Variants in PKD1 observed in about 807,000 individuals in gnomAD.
PKD1 encodes polycystin-1.
In PKD1, 81 loss-of-function variants were observed where a neutral mutation model predicts 361.7. That is an observed-to-expected ratio of 0.22 (90% CI 0.19 to 0.27). The LOEUF is 0.27. Ranked by LOEUF, PKD1 falls within the 10% of genes least tolerant of loss-of-function variation. The pLI is 1.00. For synonymous variants in PKD1, 3,615 were observed against 2,818.3 expected, an observed-to-expected ratio of 1.28 and a Z score of -8.95; for missense variants, 6,399 against 6,118.3, an observed-to-expected ratio of 1.05 and a Z score of -1.53.
chr16:2,118,968 G>A lies in PKD1; in HGVS notation c.360-123C>T, dbSNP rs1040979925. 3.2e-5 allele frequency: 26 copies of A among 821,460 alleles called. No individual in the cohort carries two copies. The highest frequency in any genetic ancestry group is 8.2e-5 in the Admixed American group (4 of 48,608). The allele number at this position is 821,460 out of a possible 1,614,324, so 50.9% of individuals were successfully genotyped here. A position where few individuals can be genotyped will look rare whatever the true frequency, so the allele number is the denominator to read the frequency against. ...CCGCCTCCCCTGCCCCAACCAAGCC[G>A]GCACTGGGGGGCTCCAAGCAGGCAG... On this transcript the variant is annotated intron_variant, in intron 3 of 45. Coordinates refer to ENST00000262304, the MANE Select transcript of PKD1 (RefSeq NM_001009944.3). This position sits in a 1 kb window ranked among gnomAD's most constrained non-coding sequence, Gnocchi z 6.0.
At position 2,090,016 on chromosome 16, in the gene PKD1, C is replaced by T. The variant is rs1211660977; in HGVS notation, c.12623G>A (p.Cys4208Tyr). Residue 4208 changes from cysteine (C) to tyrosine (Y), a missense_variant, in exon 46 of 46, where the codon TGT becomes TAT. Coordinates refer to ENST00000262304, the MANE Select transcript of PKD1 (RefSeq NM_001009944.3). ...TTGGAGGCGGGAGGGCTCAGGCTCA[C>T]ACCTTGTCCCCAGCCGGCCCAGGCT... is the stretch of plus-strand genomic sequence containing the variant. ...SVSLGRLGTR[C>Y]EPEPSRLQAV... 3 of 1,610,238 alleles carry T rather than the reference C, an allele frequency of 1.9e-6. No individual in the cohort carries two copies. Among genetic ancestry groups the T allele is most frequent in the Non-Finnish European group, 1.7e-6 (2 of 1,178,990 alleles).
rs1231492796 is a variant in PKD1 at position 2,112,451 on chromosome 16, G to T, written c.3184C>A (p.Gln1062Lys). 3.1e-6 allele frequency: 5 copies of T among 1,587,898 alleles called. No homozygotes were observed. The highest frequency in any genetic ancestry group is 1.3e-5 in the African/African-American group (1 of 74,732). The change falls in exon 14 of 46, where the codon CAG (glutamine) becomes AAG (lysine). Residue 1062 changes from glutamine (Q) to lysine (K), a missense_variant. By Grantham distance (53) the Gln-to-Lys change is moderately conservative. Coordinates refer to ENST00000262304, the MANE Select transcript of PKD1 (RefSeq NM_001009944.3). ...AFLWTFGDGE[Q>K]ALHQFQPPYN... is the part of the protein sequence containing the mutation. ...GGAGGCTGGAACTGGTGGAGGGCCT[G>T]CTCCCCATCCCCAAAGGTCCACCTG... is the stretch of plus-strand genomic sequence containing the variant.
At chr16:2,134,925 G>A (rs1348206992) in intron 1 of PKD1, 1 of 121,744 alleles carries the variant, frequency 8.2e-6, no homozygotes, top group East Asian at 2.4e-4. Flanking sequence ...GCCCACCCGC[G>A]AGCCCACCTC....
At chr16:2,113,547 AGTACCAG>A (rs2092573897) in intron 11 of PKD1, among the ~76,000 whole-genome samples, 1 of 152,092 alleles carries the variant, frequency 6.6e-6, no homozygotes, top group Non-Finnish European at 1.5e-5. Context: ...AAGCAAACCT[AGTACCAG>A]CTACAAAGAG....
chr16:2,097,120 C>T (rs774615878), intron 34 of PKD1, 28 bp downstream of exon 34: 62 of 1,522,538 alleles, frequency 4.1e-5, no homozygotes, highest in Non-Finnish European at 5.0e-5. Context: ...TCTGGCAATC[C>T]CCCCTCCCCC....
intron 37 of PKD1, 104 bp downstream of exon 37, chr16:2,093,440 C>A: frequency 4.5e-6 from 5 of 1,119,252 alleles, no homozygotes; most frequent in Non-Finnish European, 6.5e-6. Flanking sequence ...CCCTAAGGGC[C>A]TTCTGAGGTG....
chr16:2,116,220 C>A (rs532181853), intron 8 of PKD1, 102 bp from the exon 9 acceptor site: 3 of 1,281,206 alleles, frequency 2.3e-6, no homozygotes, highest in Admixed American at 1.9e-5. Flanking sequence ...GGAAGGAGAG[C>A]GAGCCATCAG....
intron 16 of PKD1, 66 bp downstream of exon 16, chr16:2,107,817 A>G (rs2092397191): frequency 6.8e-7 from 1 of 1,480,478 alleles, no homozygotes; most frequent in Non-Finnish European, 9.1e-7. Flanking sequence ...AAAACACGGA[A>G]AACAGTAGAT....
At chr16:2,099,524 G>A (rs535518668) in intron 30 of PKD1, 120 bp downstream of exon 30, 42 of 824,054 alleles carry the variant, frequency 5.1e-5, no homozygotes, top group South Asian at 1.2e-4. Context: ...GACCCTTCCC[G>A]AGCAGCCTTT....
At position 2,105,887 on chromosome 16, in the gene PKD1, G is replaced by A. The variant is rs777194594; in HGVS notation, c.7841C>T (p.Ala2614Val). 3.8e-6 allele frequency: 6 copies of A among 1,596,264 alleles called. No individual in the cohort carries two copies. Among genetic ancestry groups the A allele is most frequent in the Non-Finnish European group, 5.1e-6 (6 of 1,179,646 alleles). ...CACCTCGTTCAGCACGGTGACCAGGGCCAACGAGTACTCGATGACGTGCTG... is the reference window on the plus strand; with the variant it reads ...CACCTCGTTCAGCACGGTGACCAGGACCAACGAGTACTCGATGACGTGCTG... ...DPQHVIEYSL[A>V]LVTVLNEYER... Residue 2614 changes from alanine to valine, a missense_variant, in exon 20 of 46, where the codon GCC becomes GTC. Coordinates refer to ENST00000262304, the MANE Select transcript of PKD1 (RefSeq NM_001009944.3).
rs2092456450 is a variant in PKD1 at position 2,109,939 on chromosome 16, G to A, written c.5228C>T (p.Ala1743Val). Reference sequence around the variant, plus strand: ...AGTGTATACGACACCACTGCCACCAGCCAGCTCGGCACTGAGGGTGACGCT... The same window carrying A: ...AGTGTATACGACACCACTGCCACCAACCAGCTCGGCACTGAGGGTGACGCT... The part of the protein sequence containing the change: ...NTSVTLSAEL[A>V]GGSGVVYTWS... Residue 1743 changes from alanine (A) to valine (V), a missense_variant, in exon 15 of 46, where the codon GCT becomes GTT. Coordinates refer to ENST00000262304, the MANE Select transcript of PKD1 (RefSeq NM_001009944.3). The A allele has an allele frequency of 1.2e-6, 2 of 1,610,278 alleles. No homozygotes were observed. Among genetic ancestry groups the A allele is most frequent in the African/African-American group, 1.3e-5 (1 of 74,982 alleles).
rs1402238544 is a variant in PKD1 at position 2,092,261 on chromosome 16, G to A, written c.11270-73C>T. The A allele has an allele frequency of 9.5e-6, 14 of 1,480,650 alleles. No homozygotes were observed. The East Asian group carries it at 3.0e-4, about 31-fold the overall frequency. The allele number at this position is 1,480,650 out of a possible 1,614,324, so 91.7% of individuals were successfully genotyped here. On this transcript the variant is annotated intron_variant, in intron 39 of 45. Coordinates refer to ENST00000262304, the MANE Select transcript of PKD1 (RefSeq NM_001009944.3). ...CAACAGGAGTGTTTCCTGCTGGCCA[G>A]CTCGCCTGAGCTCTGGTTCGGCGCC...
At position 2,109,599 on chromosome 16, in the gene PKD1, G is replaced by A. The variant is rs551716837; in HGVS notation, c.5568C>T (p.Phe1856=). Residue 1856 remains phenylalanine (F), a synonymous_variant, in exon 15 of 46, where the codon TTC becomes TTT. Transcript: ENST00000262304. The stretch of plus-strand genomic sequence containing the variant: ...GGATGGAGAAGGTGCCAGCATCCGG[G>A]AAGACCATGGTGACATGAGGGCCAC... ...SKRGPHVTMV[F]PDAGTFSIRL... The A allele has an allele frequency of 6.8e-6, 11 of 1,610,768 alleles. No homozygotes were observed. In the African/African-American group the frequency reaches 9.3e-5, roughly 14 times the overall value.
At position 2,114,422 on chromosome 16, in the gene PKD1, G is replaced by A. The variant is rs779750090; in HGVS notation, c.2601C>T (p.Ser867=). 5.0e-6 allele frequency: 8 copies of A among 1,602,214 alleles called. No individual in the cohort carries two copies. Among genetic ancestry groups the A allele is most frequent in the South Asian group, 3.3e-5 (3 of 90,958 alleles). Residue 867 remains serine (S), a synonymous_variant, in exon 11 of 46, where the codon AGC becomes AGT. Transcript: ENST00000262304. ...ATARWPGGSV[S]ARFENVCPAL... is the part of the protein sequence containing the mutation. The stretch of plus-strand genomic sequence containing the variant: ...CAGGGCAGACATTCTCAAAGCGGGC[G>A]CTGACACTGCCCCCAGGCCAGCGAG...
Position 2,103,552 on chromosome 16 carries a change from G to T in PKD1, c.8505C>A (p.Pro2835=). 6.2e-7 allele frequency: 1 copy of T among 1,609,684 alleles called. No individual in the cohort carries two copies. The highest frequency in any genetic ancestry group is 2.2e-5 in the East Asian group (1 of 44,860). The change falls in exon 23 of 46, where the codon CCC becomes CCA. Residue 2835 remains proline (P), a synonymous_variant. Transcript: ENST00000262304. ...CGGTGTAGTTGCTGATATAGCCAAA[G>T]GGAAAGGGATTGGAGTCCACCAGAA... ...LIFLVDSNPF[P]FGYISNYTVS...
rs2092341776 is a variant in PKD1 at position 2,106,515 on chromosome 16, C to T, written c.7372G>A (p.Glu2458Lys). The T allele has an allele frequency of 6.3e-7, 1 of 1,595,766 alleles. No homozygotes were observed. Among genetic ancestry groups the T allele is most frequent in the Non-Finnish European group, 8.5e-7 (1 of 1,178,790 alleles). Reference sequence around the variant, plus strand: ...GACAGGCGGATGGAGGCGCAGCCCTCCTCCTCGCCAGAGCGGCCCAGCACC... The same window carrying T: ...GACAGGCGGATGGAGGCGCAGCCCTTCTCCTCGCCAGAGCGGCCCAGCACC... ...LTVLGRSGEE[E>K]GCASIRLSPN... Residue 2458 changes from glutamate (E) to lysine (K), a missense_variant, in exon 18 of 46, where the codon GAG becomes AAG. By Grantham distance (56) the Glu-to-Lys change is moderately conservative (BLOSUM62 1). Coordinates refer to ENST00000262304, the MANE Select transcript of PKD1 (RefSeq NM_001009944.3). The surrounding 1 kb of genome is among the most constrained non-coding windows in gnomAD (Gnocchi z 6.5).
chr16:2,102,942 G>A lies in PKD1; in HGVS notation c.8820C>T (p.Pro2940=), dbSNP rs1234064702. 1 of 1,607,730 alleles carries A rather than the reference G, an allele frequency of 6.2e-7. No individual in the cohort carries two copies. Among genetic ancestry groups the A allele is most frequent in the Non-Finnish European group, 8.5e-7 (1 of 1,179,772 alleles). The part of the protein sequence containing the change: ...DGHYLSEEPE[P]YLAVYLHSEP... ...CCGAGTGTAGGTAGACTGCCAGGTA[G>A]GGCTCAGGTTCCTCAGACAGGTAGT... Residue 2940 remains proline, a synonymous_variant, in exon 24 of 46, where the codon CCC becomes CCT. Transcript: ENST00000262304.
Position 2,103,311 on chromosome 16 carries a change from G to A in PKD1, c.8746C>T (p.Pro2916Ser), listed in dbSNP as rs1221903278. The change falls in exon 23 of 46, where the codon CCT becomes TCT. Residue 2916 changes from proline to serine, a missense_variant. Physicochemically the swap from Pro to Ser is moderately conservative, Grantham distance 74. Coordinates refer to ENST00000262304, the MANE Select transcript of PKD1 (RefSeq NM_001009944.3). ...GAVVTLDSSN[P>S]AAGLHLQLNY... is the part of the protein sequence containing the mutation. Reference sequence around the variant, plus strand: ...AGCTGCAGATGCAGCCCGGCCGCAGGGTTGCTGCTGTCCAGGGTGACCACA... The same window carrying A: ...AGCTGCAGATGCAGCCCGGCCGCAGAGTTGCTGCTGTCCAGGGTGACCACA... 6.2e-7 allele frequency: 1 copy of A among 1,608,482 alleles called. No homozygotes were observed. Among genetic ancestry groups the A allele is most frequent in the Non-Finnish European group, 8.5e-7 (1 of 1,179,658 alleles).
chr16:2,118,422 G>A lies in PKD1; in HGVS notation c.570C>T (p.Gly190=), dbSNP rs1023527601. 7.3e-6 allele frequency: 9 copies of A among 1,235,628 alleles called. No individual in the cohort carries two copies. The African/African-American group carries it at 1.2e-4, about 16-fold the overall frequency. 76.5% of individuals were successfully genotyped at this position (1,235,628 alleles called of 1,614,324 possible). A position where few individuals can be genotyped will look rare whatever the true frequency, so the allele number is the denominator to read the frequency against. The change falls in exon 5 of 46, where the codon GGC becomes GGT. Residue 190 remains glycine (G), a synonymous_variant. Transcript: ENST00000262304. The surrounding 1 kb of genome is among the most constrained non-coding windows in gnomAD (Gnocchi z 6.0). ...YVACLPDNSS[G]TVAAVSFSAA... ...CTGAAAAGGACACTGCTGCCACGGT[G>A]CCTGAGCTGTTGTCAGGGAGGCAGG...
Sources: gnomAD v4.1 joint callset for allele counts (sites outside exome capture counted in the v4.1 genomes callset) on GRCh38, gnomAD v4.1.1 for gene constraint, Gnocchi (gnomAD v3.1) non-coding constraint, MANE v1.5 for transcripts, NCBI Gene and HGNC (gene_info 2026-07-23, HGNC 2026-07-21) for gene names.